TCF7L1: variants seen among roughly 807,000 people sequenced by gnomAD.
The protein encoded by TCF7L1 is transcription factor 7 like 1.
In TCF7L1, 18 loss-of-function variants were observed where a neutral mutation model predicts 63.7. The observed-to-expected ratio is 0.28, with a 90% CI of 0.20 to 0.42. The LOEUF (loss-of-function observed/expected upper bound fraction) is 0.42. Ranked by LOEUF, TCF7L1 falls within the 10% of genes least tolerant of loss-of-function variation. The pLI is 1.00. For synonymous variants in TCF7L1, 355 were observed against 340.9 expected (o/e 1.04, Z -0.46); for missense variants, 654 against 779.3 (o/e 0.84, Z 1.91).
intron 3 of TCF7L1, among the ~76,000 whole-genome samples, chr2:85,250,594 G>A (rs187252478): frequency 0.052 from 7,980 of 152,034 alleles, 292 homozygotes; most frequent in Non-Finnish European, 0.078. Context: ...CGGCCACCAC[G>A]CCTGGCTGAT....
intron 3 of TCF7L1, among the ~76,000 whole-genome samples, chr2:85,238,115 C>T (rs1052127040): frequency 2.0e-5 from 3 of 151,918 alleles, no homozygotes; most frequent in Admixed American, 6.6e-5. Context: ...GCAGCCCTGG[C>T]GCAGTGGCAG....
At chr2:85,197,803 C>T (rs1679192015) in intron 3 of TCF7L1, among the ~76,000 whole-genome samples, 1 of 152,222 alleles carries the variant, frequency 6.6e-6, no homozygotes, top group African/African-American at 2.4e-5. Flanking sequence ...GTTTGAGCAG[C>T]CTCCTGGTTG....
intron 3 of TCF7L1, among the ~76,000 whole-genome samples, chr2:85,170,242 CTG>C (rs1678516771): frequency 6.6e-6 from 1 of 152,118 alleles, no homozygotes; most frequent in Non-Finnish European, 1.5e-5. Context: ...GGGGCAGAGA[CTG>C]TATCTTCCAT....
At chr2:85,299,394 A>G (rs1681909183) in intron 4 of TCF7L1, among the ~76,000 whole-genome samples, 1 of 151,522 alleles carries the variant, frequency 6.6e-6, no homozygotes, top group Non-Finnish European at 1.5e-5. Context: ...TACTAAAAAT[A>G]CAAAAAAATT....
At chr2:85,192,928 A>G (rs1289169716) in intron 3 of TCF7L1, among the ~76,000 whole-genome samples, 6 of 151,890 alleles carry the variant, frequency 4.0e-5, no homozygotes, top group African/African-American at 9.7e-5. Context: ...GCCTCAAGCA[A>G]TCCTCCCACC....
Position 85,309,229 on chromosome 2 carries a change from C to G in TCF7L1, c.1534C>G (p.Arg512Gly), listed in dbSNP as rs41289945. 2 of 1,614,086 alleles carry G rather than the reference C, an allele frequency of 1.2e-6. No individual in the cohort carries two copies. The highest frequency in any genetic ancestry group is 1.1e-5 in the South Asian group (1 of 91,086). ...PLSLTTKPET[R>G]AQLALHSAAF... ...CTCCCTCACCACCAAACCAGAAACC[C>G]GGGCCCAGCTGGCTCTCCACTCTGC... The change falls in exon 12 of 12, where the codon CGG becomes GGG. Residue 512 changes from arginine (R) to glycine (G), a missense_variant. Arg to Gly is a moderately radical substitution (Grantham distance 125). This residue lies in a region of TCF7L1 where 184 missense variants were observed against 204.0 expected (regional missense o/e 0.90). Transcript: ENST00000282111.
chr2:85,258,063 TCAG>T (rs1680763175), intron 3 of TCF7L1, among the ~76,000 whole-genome samples: 1 of 152,128 alleles, frequency 6.6e-6, no homozygotes, highest in South Asian at 2.1e-4. Context: ...AATACTAAAC[TCAG>T]TAGGGCTGAT....
chr2:85,269,395 T>A (rs1407793108), intron 3 of TCF7L1, among the ~76,000 whole-genome samples: 3 of 152,272 alleles, frequency 2.0e-5, no homozygotes. Flanking sequence ...TGTGTAATTG[T>A]GTATACGTAT....
intron 4 of TCF7L1, among the ~76,000 whole-genome samples, chr2:85,293,652 A>C (rs1681775906): frequency 6.6e-6 from 1 of 152,254 alleles, no homozygotes; most frequent in Non-Finnish European, 1.5e-5. Context: ...AATTATAAAT[A>C]AATAGTAAAA....
intron 4 of TCF7L1, among the ~76,000 whole-genome samples, chr2:85,288,996 G>T (rs1044379961): frequency 1.3e-5 from 2 of 152,164 alleles, no homozygotes; most frequent in Non-Finnish European, 2.9e-5. Flanking sequence ...ATGGAAGAAT[G>T]AATGGTCTGG....
intron 3 of TCF7L1, among the ~76,000 whole-genome samples, chr2:85,252,032 G>A (rs908745480): frequency 1.3e-5 from 2 of 152,132 alleles, no homozygotes; most frequent in Non-Finnish European, 2.9e-5. Flanking sequence ...CTGTGATTGC[G>A]CCACTGCACT....
At chr2:85,159,537 C>T (rs1315901543) in intron 3 of TCF7L1, among the ~76,000 whole-genome samples, 2 of 152,212 alleles carry the variant, frequency 1.3e-5, no homozygotes, top group Non-Finnish European at 2.9e-5. Context: ...TTGGGAAGAT[C>T]TGAGGGAATG....
intron 3 of TCF7L1, among the ~76,000 whole-genome samples, chr2:85,167,758 G>A (rs988289862): frequency 6.6e-6 from 1 of 152,122 alleles, no homozygotes; most frequent in African/African-American, 2.4e-5. Flanking sequence ...CGGCTACTCG[G>A]GAGACTGAGG....
At chr2:85,301,988 C>T (rs572736045) in intron 4 of TCF7L1, among the ~76,000 whole-genome samples, 2 of 151,986 alleles carry the variant, frequency 1.3e-5, no homozygotes, top group Admixed American at 6.6e-5. Context: ...ATTAGCCAGG[C>T]GTGATGGCAG....
intron 3 of TCF7L1, among the ~76,000 whole-genome samples, chr2:85,181,949 C>T (rs1379812676): frequency 2.0e-5 from 3 of 152,064 alleles, no homozygotes; most frequent in South Asian, 2.1e-4. Flanking sequence ...GGGAGGGAGA[C>T]GCAGAACTTT....
chr2:85,300,058 T>C (rs1403400694), intron 4 of TCF7L1, among the ~76,000 whole-genome samples: 1 of 152,166 alleles, frequency 6.6e-6, no homozygotes, highest in Non-Finnish European at 1.5e-5. Context: ...TCATAGTATA[T>C]TTTTTTAAGT....
intron 3 of TCF7L1, among the ~76,000 whole-genome samples, chr2:85,195,872 A>G (rs371285976): frequency 2.4e-4 from 37 of 152,208 alleles, no homozygotes; most frequent in African/African-American, 8.7e-4. Context: ...AAAACCATAA[A>G]AAGAGTCCTA....
At position 85,134,005 on chromosome 2, in the gene TCF7L1, C is replaced by G. The variant is rs1205716409; in HGVS notation, c.250-11C>G. On this transcript the variant is annotated splice_polypyrimidine_tract_variant and intron_variant, in intron 1 of 11. Transcript: ENST00000282111. This position sits in a 1 kb window ranked among gnomAD's most constrained non-coding sequence, Gnocchi z 5.0. ...CGCTCACCCGCTCTTGCCTTTGTGT[C>G]TCCTCCGCAGGCGGAGAGGCGCCCG... is the stretch of plus-strand genomic sequence containing the variant. 1.9e-6 allele frequency: 3 copies of G among 1,609,450 alleles called. No individual in the cohort carries two copies. Among genetic ancestry groups the G allele is most frequent in the Admixed American group, 1.7e-5 (1 of 59,714 alleles).
intron 3 of TCF7L1, among the ~76,000 whole-genome samples, chr2:85,274,616 A>G (rs772514989): frequency 1.9e-4 from 29 of 152,172 alleles, no homozygotes; most frequent in Non-Finnish European, 3.1e-4. Context: ...CACCCAGCCA[A>G]TTGGTAGCAT....
Sources: gnomAD v4.1 joint callset for allele counts (sites outside exome capture counted in the v4.1 genomes callset) on GRCh38, gnomAD v4.1.1 for gene constraint, gnomAD v4.1.1 regional missense constraint, Gnocchi (gnomAD v3.1) non-coding constraint, MANE v1.5 for transcripts, NCBI Gene and HGNC (gene_info 2026-07-23, HGNC 2026-07-21) for gene names.